Variants in XPO4 observed in about 807,000 individuals in gnomAD.
XPO4 encodes exportin-4.
In XPO4, 39 loss-of-function variants were observed where a neutral mutation model predicts 143.0. That is an observed-to-expected ratio of 0.27 (90% CI 0.21 to 0.36). The LOEUF is 0.36. Ranked by LOEUF, XPO4 falls within the 10% of genes least tolerant of loss-of-function variation. The pLI, the probability that XPO4 is intolerant of heterozygous loss-of-function variation, is 1.00. For missense variants in XPO4, 907 were observed against 1,348.0 expected, an observed-to-expected ratio of 0.67 and a Z score of 5.12; for synonymous variants, 439 against 474.0, an observed-to-expected ratio of 0.93 and a Z score of 0.96.
At position 20,895,047 on chromosome 13, in the gene XPO4, G is replaced by A. The variant is rs193265605; in HGVS notation, c.69+7623C>T. The stretch of plus-strand genomic sequence containing the variant: ...ACCAAAATTAGCCAGGCATGGTGGC[G>A]TGCACCTGTAGTCCCAGCTACTCTA... On this transcript the variant is annotated intron_variant, in intron 1 of 22. Coordinates refer to ENST00000255305, the MANE Select transcript of XPO4 (RefSeq NM_022459.5). Among the ~76,000 whole-genome samples, 5 of 151,594 alleles carry A rather than the reference G, an allele frequency of 3.3e-5. No homozygotes were observed. The Middle Eastern group carries it at 0.01, about 309-fold the overall frequency.
intron 9 of XPO4, among the ~76,000 whole-genome samples, chr13:20,815,253 C>T (rs151260087): frequency 6.6e-6 from 1 of 152,144 alleles, no homozygotes; most frequent in Admixed American, 6.5e-5. Flanking sequence ...ACATCACACA[C>T]TGGTCCAAAC....
In XPO4 at chr13:20,777,505, C is replaced by T. The variant is rs1244709861; in HGVS notation, c.*6217G>A. On this transcript the variant is annotated 3_prime_UTR_variant, in exon 23 of 23. Transcript: ENST00000255305. ...ACATTGAATCTAGGTCTGCCTCTAC[C>T]CTGCAGTCTACCAGTTCAAGTAGCT... is the stretch of plus-strand genomic sequence containing the variant. The T allele has an allele frequency of 3.3e-5, 5 of 152,142 alleles. No individual in the cohort carries two copies. Among genetic ancestry groups the T allele is most frequent in the Admixed American group, 3.3e-4 (5 of 15,276 alleles). 9.4% of individuals were successfully genotyped at this position (152,142 alleles called of 1,614,324 possible).
intron 2 of XPO4, chr13:20,868,326 T>G (rs1259985843): frequency 3.9e-6 from 1 of 254,588 alleles, no homozygotes; most frequent in African/African-American, 2.3e-5. Context: ...TTTTTCTCTT[T>G]ACTATTAACA....
chr13:20,797,696 T>G (rs1378514863), intron 16 of XPO4, among the ~76,000 whole-genome samples: 1 of 152,156 alleles, frequency 6.6e-6, no homozygotes, highest in African/African-American at 2.4e-5. Context: ...AAGGGCCCTC[T>G]AGACAAGGAC....
chr13:20,877,821 A>T (rs986758633), intron 1 of XPO4, among the ~76,000 whole-genome samples: 2 of 152,170 alleles, frequency 1.3e-5, no homozygotes, highest in Non-Finnish European at 2.9e-5. Flanking sequence ...ATGACAACAC[A>T]CTCAACCTCA....
chr13:20,783,396 G>A lies in XPO4; in HGVS notation c.*326C>T, dbSNP rs2059163337. On this transcript the variant is annotated 3_prime_UTR_variant, in exon 23 of 23. Transcript: ENST00000255305. The stretch of plus-strand genomic sequence containing the variant: ...TTCTAAACTTTGGCTAGCCACCTAT[G>A]TTAAAAGGAAAAAAGGCACTGCATA... The A allele has an allele frequency of 7.0e-6, 2 of 283,856 alleles. No individual in the cohort carries two copies. The highest frequency in any genetic ancestry group is 1.6e-4 in the East Asian group (2 of 12,372). 17.6% of individuals were successfully genotyped at this position (283,856 alleles called of 1,614,324 possible). A position where few individuals can be genotyped will look rare whatever the true frequency, so the allele number is the denominator to read the frequency against.
At position 20,788,497 on chromosome 13, in the gene XPO4, T is replaced by C; in HGVS notation, c.3036A>G (p.Leu1012=). The change falls in exon 20 of 23, where the codon TTA becomes TTG. Residue 1012 remains leucine, a synonymous_variant. Coordinates refer to ENST00000255305, the MANE Select transcript of XPO4 (RefSeq NM_022459.5). ...LFKSLMYSLE[L]GMTSMSSEVC... ...CATTTAAAGGATATGATGTCATTCC[T>C]AATTCTAGGGAGTACATCAGACTTT... The C allele has an allele frequency of 6.2e-7, 1 of 1,611,286 alleles. No individual in the cohort carries two copies. Among genetic ancestry groups the C allele is most frequent in the Non-Finnish European group, 8.5e-7 (1 of 1,179,108 alleles).
chr13:20,851,713 AAAAAAAAAAAAAAAAAAG>A (rs1342865301), intron 4 of XPO4: 2 of 51,170 alleles, frequency 3.9e-5, no homozygotes, highest in African/African-American at 2.6e-4. Flanking sequence ...CGGTCTCACA[AAAAAAAAAAAAAAAAAAG>A]AAAGAAAGAA....
chr13:20,789,338 C>G (rs1005649844), intron 19 of XPO4, among the ~76,000 whole-genome samples: 3 of 151,548 alleles, frequency 2.0e-5, no homozygotes, highest in African/African-American at 4.9e-5. Context: ...TGCTGGCAAT[C>G]AAACAGGACT....
intron 13 of XPO4, among the ~76,000 whole-genome samples, chr13:20,804,134 C>T (rs1248820373): frequency 2.2e-5 from 3 of 137,008 alleles, no homozygotes; most frequent in Non-Finnish European, 4.6e-5. Flanking sequence ...ACTATATATA[C>T]ATACACTATA....
At chr13:20,871,235 C>G (rs1307247995) in intron 1 of XPO4, among the ~76,000 whole-genome samples, 1 of 152,128 alleles carries the variant, frequency 6.6e-6, no homozygotes. Flanking sequence ...TGCTGGAATG[C>G]AGGGGCATGA....
chr13:20,870,104 A>AAAAAAAAAGAATTG (rs1352783292), intron 1 of XPO4, among the ~76,000 whole-genome samples: 5 of 149,576 alleles, frequency 3.3e-5, no homozygotes, highest in African/African-American at 1.3e-4. Context: ...AAAAAAAAAA[A>AAAAAAAAAGAATTG]AAAGAATTGT....
At chr13:20,811,149 C>G (rs1384046182) in intron 9 of XPO4, among the ~76,000 whole-genome samples, 1 of 152,008 alleles carries the variant, frequency 6.6e-6, no homozygotes, top group Non-Finnish European at 1.5e-5. Context: ...TGGGTCCTGA[C>G]ATAACATGGG....
chr13:20,869,569 A>T, intron 1 of XPO4: 1 of 854,602 alleles, frequency 1.2e-6, no homozygotes, highest in Non-Finnish European at 1.4e-6. Context: ...AGATGATGAA[A>T]AATGTTACAA....
chr13:20,887,534 C>T (rs1566627704), intron 1 of XPO4, among the ~76,000 whole-genome samples: 2 of 152,012 alleles, frequency 1.3e-5, no homozygotes, highest in Non-Finnish European at 1.5e-5. Flanking sequence ...TTAGGTATCC[C>T]AGAAATGCAA....
rs764018205 is a variant in XPO4 at position 20,842,968 on chromosome 13, C to G, written c.654G>C (p.Gln218His). 29 of 1,613,526 alleles carry G rather than the reference C, an allele frequency of 1.8e-5. No homozygotes were observed. In the African/African-American group the frequency reaches 3.1e-4, roughly 17 times the overall value. Residue 218 changes from glutamine to histidine, a missense_variant, in exon 6 of 23, where the codon CAG (glutamine) becomes CAC (histidine). By Grantham distance (24) the Gln-to-His change is conservative. Coordinates refer to ENST00000255305, the MANE Select transcript of XPO4 (RefSeq NM_022459.5). ...EFSRRENLNA[Q>H]MSSVFQRYLA... ...GGTAACGCTGAAATACTGAAGACAT[C>G]TGAGCATTGAGGTTTTCCCGCCTGC...
At chr13:20,882,447 C>T (rs1413520267) in intron 1 of XPO4, among the ~76,000 whole-genome samples, 2 of 152,016 alleles carry the variant, frequency 1.3e-5, no homozygotes, top group Admixed American at 6.6e-5. Context: ...ACCAGATCTC[C>T]GGTGAACTCA....
At chr13:20,848,220 T>C (rs980334809) in intron 4 of XPO4, 4 of 976,640 alleles carry the variant, frequency 4.1e-6, no homozygotes, top group Non-Finnish European at 4.9e-6. Context: ...ATAAAATTTA[T>C]TAAAATTACA....
At chr13:20,807,715 T>C in intron 12 of XPO4, 81 bp from the exon 13 acceptor site, 2 of 1,070,336 alleles carry the variant, frequency 1.9e-6, no homozygotes, top group Non-Finnish European at 2.6e-6. Context: ...TTCAGTTTGA[T>C]TTATATACAT....
Sources: allele counts gnomAD v4.1 joint callset (sites outside exome capture counted in the v4.1 genomes callset), GRCh38; gene constraint gnomAD v4.1.1; transcripts MANE v1.5; gene names NCBI Gene and HGNC (gene_info 2026-07-23, HGNC 2026-07-21).